The following SEMA3A variants were observed in gnomAD, a reference collection of about 807,000 sequenced individuals.
SEMA3A encodes semaphorin-3A.
In SEMA3A, 29 loss-of-function variants were observed where a neutral mutation model predicts 97.9. The observed-to-expected ratio is 0.30, with a 90% CI of 0.22 to 0.40. The LOEUF (loss-of-function observed/expected upper bound fraction) is 0.40, where lower values mean the gene tolerates loss of function less well. SEMA3A is among the 10% of genes least tolerant of loss of function. The pLI is 1.00. For missense variants in SEMA3A, 763 were observed against 951.3 expected, an observed-to-expected ratio of 0.80 and a Z score of 2.60; for synonymous variants, 321 against 323.7, an observed-to-expected ratio of 0.99 and a Z score of 0.09.
chr7:84,064,028 G>A (rs1042229186), intron 4 of SEMA3A, among the ~76,000 whole-genome samples: 32 of 152,022 alleles, frequency 2.1e-4, no homozygotes, highest in Admixed American at 2.0e-3. Context: ...AGAAAGGTCG[G>A]GTTACCCACA....
chr7:84,468,201 C>A (rs1173274348), intron 1 of SEMA3A, among the ~76,000 whole-genome samples: 1 of 152,210 alleles, frequency 6.6e-6, no homozygotes, highest in Admixed American at 6.5e-5. Flanking sequence ...CTCTTCCCCC[C>A]ACATTTTGGG....
chr7:84,449,437 A>AAAAAAAC (rs545063117), intron 1 of SEMA3A, among the ~76,000 whole-genome samples: 170 of 152,248 alleles, frequency 1.1e-3, no homozygotes, highest in African/African-American at 3.9e-3. Flanking sequence ...AACCAAGAAG[A>AAAAAAAC]AAAAAACAAA....
chr7:84,443,360 G>A (rs751268314), intron 1 of SEMA3A, among the ~76,000 whole-genome samples: 56 of 152,094 alleles, frequency 3.7e-4, no homozygotes, highest in Non-Finnish European at 4.4e-4. Context: ...TTCCATCAAG[G>A]TCAAGACACT....
At chr7:84,323,903 C>A (rs1338719751) in intron 2 of SEMA3A, among the ~76,000 whole-genome samples, 1 of 152,124 alleles carries the variant, frequency 6.6e-6, no homozygotes, top group Non-Finnish European at 1.5e-5. Context: ...CATCAAACAT[C>A]TTTCTTTGTG....
intron 3 of SEMA3A, among the ~76,000 whole-genome samples, chr7:84,231,363 G>A (rs2116357105): frequency 6.6e-6 from 1 of 152,078 alleles, no homozygotes; most frequent in Admixed American, 6.6e-5. Context: ...CAGTCTCATA[G>A]TTGTCTAGCA....
intron 4 of SEMA3A, among the ~76,000 whole-genome samples, chr7:84,076,964 C>T (rs757539178): frequency 2.0e-4 from 31 of 152,106 alleles, no homozygotes; most frequent in Non-Finnish European, 4.3e-4. Context: ...TGTGTTCAAA[C>T]TTCATGTAGA....
chr7:84,397,043 CAAAG>C (rs1277958729), intron 1 of SEMA3A, among the ~76,000 whole-genome samples: 1 of 151,684 alleles, frequency 6.6e-6, no homozygotes, highest in African/African-American at 2.4e-5. Context: ...CAATTTATGG[CAAAG>C]AAAGCACAAA....
At chr7:83,981,120 T>G (rs1789397230) in intron 14 of SEMA3A, among the ~76,000 whole-genome samples, 1 of 152,188 alleles carries the variant, frequency 6.6e-6, no homozygotes, top group Non-Finnish European at 1.5e-5. Flanking sequence ...GTTTATGACT[T>G]TCTCTGTGAC....
At chr7:84,430,424 A>C (rs979500897) in intron 1 of SEMA3A, among the ~76,000 whole-genome samples, 3 of 152,056 alleles carry the variant, frequency 2.0e-5, no homozygotes, top group Non-Finnish European at 4.4e-5. Context: ...AAAAACCAAT[A>C]GTAAACCTTT....
At chr7:84,299,309 CAT>C (rs3077893) in intron 3 of SEMA3A, among the ~76,000 whole-genome samples, 92 of 82,042 alleles carry the variant, frequency 1.1e-3, no homozygotes, top group Middle Eastern at 7.2e-3. Flanking sequence ...TATATATCTC[CAT>C]ATATATATAT....
rs117915132 is a variant in SEMA3A at position 84,139,213 on chromosome 7, T to C, written c.113-4262A>G. Among the ~76,000 whole-genome samples, 652 of 152,222 alleles carry C rather than the reference T, an allele frequency of 4.3e-3. 3 individuals carry two copies. Among genetic ancestry groups the C allele is most frequent in the Non-Finnish European group, 6.7e-3 (456 of 67,952 alleles). On this transcript the variant is annotated intron_variant, in intron 1 of 16. Transcript: ENST00000265362. ...TATTCAGTTAAACAACAATTGTTGT[T>C]TTTAAAAAACAAGCTAAGTTTCTAT...
chr7:84,236,404 T>G (rs1313180438), intron 3 of SEMA3A, among the ~76,000 whole-genome samples: 2 of 152,042 alleles, frequency 1.3e-5, no homozygotes, highest in African/African-American at 4.8e-5. Context: ...AGTTTCTAAC[T>G]CTCCCTTCAG....
At chr7:84,473,364 A>AT (rs1337821512) in intron 1 of SEMA3A, among the ~76,000 whole-genome samples, 1 of 149,000 alleles carries the variant, frequency 6.7e-6, no homozygotes, top group African/African-American at 2.4e-5. Context: ...TATATACTTT[A>AT]TATTTTTGTA....
At chr7:84,082,768 T>C (rs1437877354) in intron 4 of SEMA3A, among the ~76,000 whole-genome samples, 1 of 151,904 alleles carries the variant, frequency 6.6e-6, no homozygotes, top group Non-Finnish European at 1.5e-5. Context: ...CTGCTATTAT[T>C]CAAACTCAAA....
At chr7:84,425,842 A>G (rs767681761) in intron 1 of SEMA3A, among the ~76,000 whole-genome samples, 67 of 99,536 alleles carry the variant, frequency 6.7e-4, no homozygotes, top group Non-Finnish European at 9.0e-4. Flanking sequence ...TATAATATAT[A>G]ATGTTTATAT....
chr7:84,414,279 T>C (rs1453542924), intron 1 of SEMA3A, among the ~76,000 whole-genome samples: 1 of 152,028 alleles, frequency 6.6e-6, no homozygotes, highest in Non-Finnish European at 1.5e-5. Context: ...CCCCTAACCA[T>C]TTCCATTGCC....
chr7:83,974,402 G>T (rs1462146317), intron 15 of SEMA3A, among the ~76,000 whole-genome samples: 1 of 152,124 alleles, frequency 6.6e-6, no homozygotes, highest in African/African-American at 2.4e-5. Context: ...ACCTCTGGAT[G>T]TGTAAACTAT....
chr7:84,326,935 C>A (rs2115932961), intron 2 of SEMA3A, among the ~76,000 whole-genome samples: 1 of 151,982 alleles, frequency 6.6e-6, no homozygotes, highest in Admixed American at 6.6e-5. Flanking sequence ...GCAAAGAAAC[C>A]AAAAGCAATC....
chr7:84,008,020 T>A (rs1245969808), intron 9 of SEMA3A, among the ~76,000 whole-genome samples: 1 of 152,048 alleles, frequency 6.6e-6, no homozygotes, highest in African/African-American at 2.4e-5. Flanking sequence ...AAGTTGATTC[T>A]TGTGAAGACA....
Sources: gnomAD v4.1 joint callset for allele counts (sites outside exome capture counted in the v4.1 genomes callset) on GRCh38, gnomAD v4.1.1 for gene constraint, MANE v1.5 for transcripts, NCBI Gene and HGNC (gene_info 2026-07-23, HGNC 2026-07-21) for gene names.